The following UBA6 variants were observed in gnomAD, a reference collection of about 807,000 sequenced individuals.
UBA6 encodes the protein ubiquitin like modifier activating enzyme 6, also known as ubiquitin-like modifier-activating enzyme 6.
UBA6 carries 87 observed loss-of-function variants against 148.3 expected under a neutral mutation model. The ratio of observed to expected loss-of-function variants is 0.59; its 90% CI spans 0.49 to 0.70. The LOEUF (loss-of-function observed/expected upper bound fraction) is 0.70. UBA6 is among the 30% of genes least tolerant of loss of function. The probability of loss-of-function intolerance (pLI) is 0.00; values close to 1 mark genes in which losing one functional copy is unlikely to be tolerated. For synonymous variants in UBA6, 376 were observed against 401.0 expected, an observed-to-expected ratio of 0.94 and a Z score of 0.75; for missense variants, 1,186 against 1,241.2, an observed-to-expected ratio of 0.96 and a Z score of 0.67.
intron 9 of UBA6, among the ~76,000 whole-genome samples, chr4:67,665,790 AC>A (rs1577823111): frequency 6.6e-6 from 1 of 152,014 alleles, no homozygotes; most frequent in East Asian, 1.9e-4. Flanking sequence ...CTGGGAGAAT[AC>A]CTATTGCAAA....
rs1056490703 is a variant in UBA6 at position 67,677,540 on chromosome 4, A to G, written c.465+71T>C. 1.4e-5 allele frequency: 10 copies of G among 725,872 alleles called. No individual in the cohort carries two copies. The South Asian group carries it at 1.9e-4, about 14-fold the overall frequency. 45.0% of individuals were successfully genotyped at this position (725,872 alleles called of 1,614,324 possible). ...CTCAATACACTAGGTTAAATTAGTT[A>G]AACATATTAATATTTAACAATTTTG... On this transcript the variant is annotated intron_variant, in intron 6 of 32. Transcript: ENST00000322244.
chr4:67,690,540 G>A (rs977604496), intron 2 of UBA6, among the ~76,000 whole-genome samples: 2 of 152,074 alleles, frequency 1.3e-5, no homozygotes, highest in African/African-American at 4.8e-5. Flanking sequence ...TATAAACCAT[G>A]TATGTGATAA....
At chr4:67,669,122 C>CT (rs1399972059) in intron 8 of UBA6, among the ~76,000 whole-genome samples, 1 of 152,140 alleles carries the variant, frequency 6.6e-6, no homozygotes, top group African/African-American at 2.4e-5. Context: ...TTGCTCAACA[C>CT]TTTAAAGAAA....
chr4:67,673,328 A>C (rs1016602926), intron 7 of UBA6, among the ~76,000 whole-genome samples: 1 of 151,642 alleles, frequency 6.6e-6, no homozygotes, highest in African/African-American at 2.4e-5. Context: ...AGACAGGAGA[A>C]TAGCTTGAAC....
chr4:67,644,879 GAA>G (rs143223029), intron 16 of UBA6, 101 bp from the exon 17 acceptor site: 19 of 488,904 alleles, frequency 3.9e-5, no homozygotes, highest in South Asian at 1.8e-4. Context: ...CTGTTTCAAC[GAA>G]AAAAAAAAGT....
rs1560486505 is a variant in UBA6 at position 67,649,159 on chromosome 4, A to G, written c.1157T>C (p.Phe386Ser). Residue 386 changes from phenylalanine (F) to serine (S), a missense_variant, in exon 14 of 33, where the codon TTT becomes TCT. Transcript: ENST00000322244. ...TACTGCTGCAGCAAGTGGAGATAAA[A>G]AGCCTTGGGCAGTCCAAGAGAGCCA... The part of the protein sequence containing the change: ...VHWLSWTAQG[F>S]LSPLAAAVGG... The G allele has an allele frequency of 1.9e-6, 3 of 1,614,006 alleles. No homozygotes were observed. Among genetic ancestry groups the G allele is most frequent in the Non-Finnish European group, 2.5e-6 (3 of 1,179,950 alleles).
At chr4:67,695,908 A>C (rs945696833) in intron 2 of UBA6, among the ~76,000 whole-genome samples, 2 of 152,206 alleles carry the variant, frequency 1.3e-5, no homozygotes, top group Admixed American at 1.3e-4. Flanking sequence ...TTACTTTAAA[A>C]AGTATTCAAA....
At chr4:67,676,314 G>A (rs1032469253) in intron 6 of UBA6, among the ~76,000 whole-genome samples, 7 of 152,216 alleles carry the variant, frequency 4.6e-5, no homozygotes, top group South Asian at 4.1e-4. Flanking sequence ...GTGAGCCACC[G>A]CGCCCAGCCT....
chr4:67,664,192 A>C (rs1057498253), intron 10 of UBA6, among the ~76,000 whole-genome samples: 5 of 152,212 alleles, frequency 3.3e-5, no homozygotes, highest in Admixed American at 2.6e-4. Context: ...ACAATTAGTA[A>C]AAACATTTGC....
intron 2 of UBA6, among the ~76,000 whole-genome samples, chr4:67,692,317 T>C (rs1182965003): frequency 6.6e-6 from 1 of 152,148 alleles, no homozygotes; most frequent in Non-Finnish European, 1.5e-5. Context: ...TAGAAGAAAG[T>C]GCTCTATTTT....
chr4:67,667,023 T>A (rs1730016492), intron 9 of UBA6, among the ~76,000 whole-genome samples: 1 of 152,196 alleles, frequency 6.6e-6, no homozygotes, highest in South Asian at 2.1e-4. Flanking sequence ...TTAAACTTAT[T>A]CATCTCTCCC....
chr4:67,658,300 G>GT (rs1560490103), intron 13 of UBA6, among the ~76,000 whole-genome samples: 1 of 152,044 alleles, frequency 6.6e-6, no homozygotes, highest in Non-Finnish European at 1.5e-5. Flanking sequence ...GGTAGGGTAG[G>GT]TATATAAGAG....
At chr4:67,639,241 T>A in intron 18 of UBA6, 117 bp from the exon 19 acceptor site, 1 of 673,846 alleles carries the variant, frequency 1.5e-6, no homozygotes, top group Non-Finnish European at 2.3e-6. Flanking sequence ...CATACATATA[T>A]AATGAGAGTA....
In UBA6 at chr4:67,613,655, A is replaced by G. The variant is rs1372793008; in HGVS notation, c.*5342T>C. On this transcript the variant is annotated 3_prime_UTR_variant, in exon 33 of 33. Transcript: ENST00000322244. ...GATGGTATACTAGCACAGGGATAGA[A>G]AAAAGGGAAAAAATGTTTAGAAAGA... 6.6e-6 allele frequency: 1 copy of G among 152,196 alleles called. No homozygotes were observed. The highest frequency in any genetic ancestry group is 1.9e-4 in the East Asian group (1 of 5,198). 9.4% of individuals were successfully genotyped at this position (152,196 alleles called of 1,614,324 possible). A position where few individuals can be genotyped will look rare whatever the true frequency, so the allele number is the denominator to read the frequency against.
At chr4:67,635,613 C>T (rs1729119866) in intron 19 of UBA6, 55 bp from the exon 20 acceptor site, 1 of 1,066,138 alleles carries the variant, frequency 9.4e-7, no homozygotes, top group Non-Finnish European at 1.5e-6. Context: ...ACAATGTAAC[C>T]AAAGGACAAC....
rs539747319 is a variant in UBA6 at position 67,696,678 on chromosome 4, G to A, written c.101C>T (p.Thr34Ile). ...TGCATCATCGATTTCCACAGATGCTGTTGACATAATGGGCAAATTTTTATT... is the reference window on the plus strand; with the variant it reads ...TGCATCATCGATTTCCACAGATGCTATTGACATAATGGGCAAATTTTTATT... Reference protein sequence around the residue: ...STNKNLPIMSTASVEIDDALY... With the variant: ...STNKNLPIMSIASVEIDDALY... Residue 34 changes from threonine (T) to isoleucine (I), a missense_variant, in exon 2 of 33, where the codon ACA (threonine) becomes ATA (isoleucine). By Grantham distance (89) the Thr-to-Ile change is moderately conservative. Coordinates refer to ENST00000322244, the MANE Select transcript of UBA6 (RefSeq NM_018227.6). 7.5e-6 allele frequency: 12 copies of A among 1,606,858 alleles called. No homozygotes were observed. The South Asian group carries it at 1.0e-4, about 13-fold the overall frequency.
At chr4:67,686,947 G>A (rs1299155292) in intron 2 of UBA6, among the ~76,000 whole-genome samples, 5 of 44,756 alleles carry the variant, frequency 1.1e-4, no homozygotes, top group Non-Finnish European at 1.9e-4. Context: ...GCAAGATCCT[G>A]TCTCTAAAAA....
In UBA6 at chr4:67,623,223, C is replaced by T; in HGVS notation, c.2841-1G>A. On this transcript the variant is annotated splice_acceptor_variant, in intron 30 of 32. Transcript: ENST00000322244. LOFTEE classifies it high-confidence loss of function. ...CCAAATTGTAAATGATATTCCATTT[C>T]TGTTACAGAAAAATATTCAGAACAG... is the stretch of plus-strand genomic sequence containing the variant. 6.2e-7 allele frequency: 1 copy of T among 1,606,542 alleles called. No homozygotes were observed. The highest frequency in any genetic ancestry group is 1.3e-5 in the African/African-American group (1 of 74,842).
chr4:67,633,588 T>C (rs185289537), intron 22 of UBA6, 115 bp from the exon 23 acceptor site: 2 of 826,466 alleles, frequency 2.4e-6, no homozygotes, highest in Admixed American at 6.7e-5. Flanking sequence ...TATGCTTTTC[T>C]TTTTTCACCT....
Sources: gnomAD v4.1 joint callset for allele counts (sites outside exome capture counted in the v4.1 genomes callset) on GRCh38, gnomAD v4.1.1 for gene constraint, MANE v1.5 for transcripts, NCBI Gene and HGNC (gene_info 2026-07-23, HGNC 2026-07-21) for gene names.